Variants in TNIK observed in about 807,000 individuals in gnomAD.
TNIK encodes the protein TRAF2 and NCK-interacting protein kinase.
Under a neutral mutation model 191.3 loss-of-function variants are expected in TNIK, and 49 were observed. The observed-to-expected ratio is 0.26, with a 90% CI of 0.20 to 0.32. TNIK has a LOEUF of 0.32. Among genes scored for constraint, TNIK ranks in the 10% least tolerant of loss-of-function variants. TNIK has a pLI of 1.00. For synonymous variants in TNIK, 594 were observed against 600.9 expected, an observed-to-expected ratio of 0.99 and a Z score of 0.17; for missense variants, 1,155 against 1,702.3, an observed-to-expected ratio of 0.68 and a Z score of 5.66.
intron 2 of TNIK, among the ~76,000 whole-genome samples, chr3:171,328,575 T>C (rs1300300764): frequency 6.6e-6 from 1 of 152,214 alleles, no homozygotes; most frequent in Admixed American, 6.5e-5. Context: ...GAATCAAATA[T>C]TCAAGTGTAA....
Position 171,114,677 on chromosome 3 carries a change from A to G in TNIK, c.2121-3800T>C, listed in dbSNP as rs951130381. Among the ~76,000 whole-genome samples, 11 of 152,200 alleles carry G rather than the reference A, an allele frequency of 7.2e-5. 1 individual carries two copies. The highest frequency in any genetic ancestry group is 1.6e-4 in the Non-Finnish European group (11 of 68,038). ...AGACCCTAATCATATTATCTTTGAAACTTTTGTGGTAAAAGGGTTGCTAAG... is the reference window on the plus strand; with the variant it reads ...AGACCCTAATCATATTATCTTTGAAGCTTTTGTGGTAAAAGGGTTGCTAAG... On this transcript the variant is annotated intron_variant, in intron 18 of 32. Coordinates refer to ENST00000436636, the MANE Select transcript of TNIK (RefSeq NM_015028.4).
intron 2 of TNIK, among the ~76,000 whole-genome samples, chr3:171,231,979 C>T (rs1743709438): frequency 6.6e-6 from 1 of 152,134 alleles, no homozygotes; most frequent in Non-Finnish European, 1.5e-5. Flanking sequence ...TAATATTTTA[C>T]TTAACTGGAA....
chr3:171,153,228 G>T (rs1732704693), intron 12 of TNIK, among the ~76,000 whole-genome samples: 1 of 151,978 alleles, frequency 6.6e-6, no homozygotes. Flanking sequence ...AACTCTCCAG[G>T]TGTTCCTTCC....
chr3:171,178,379 A>G (rs767764283), intron 7 of TNIK, among the ~76,000 whole-genome samples: 2 of 152,218 alleles, frequency 1.3e-5, no homozygotes, highest in African/African-American at 2.4e-5. Flanking sequence ...GAGGTACTCA[A>G]AGTATTTGTT....
intron 2 of TNIK, among the ~76,000 whole-genome samples, chr3:171,232,539 T>C (rs1269521375): frequency 1.3e-5 from 2 of 152,192 alleles, no homozygotes; most frequent in East Asian, 1.9e-4. Context: ...TAACCAATAA[T>C]GGCAAAAGCT....
At chr3:171,364,911 C>T (rs1391274698) in intron 2 of TNIK, among the ~76,000 whole-genome samples, 1 of 151,902 alleles carries the variant, frequency 6.6e-6, no homozygotes, top group African/African-American at 2.4e-5. Flanking sequence ...GGTGCTCATT[C>T]TAATATAGAA....
At chr3:171,455,300 C>T (rs1044568095) in intron 1 of TNIK, among the ~76,000 whole-genome samples, 2 of 151,818 alleles carry the variant, frequency 1.3e-5, no homozygotes, top group African/African-American at 4.8e-5. Context: ...GTCACTGAGG[C>T]TGGAGTGCCG....
chr3:171,170,793 A>G (rs541592700), intron 9 of TNIK, among the ~76,000 whole-genome samples: 45 of 152,324 alleles, frequency 3.0e-4, no homozygotes, highest in African/African-American at 1.0e-3. Context: ...GTTCACACCT[A>G]TAATCCCAGT....
At chr3:171,128,594 A>T in intron 16 of TNIK, 120 bp downstream of exon 16, 2 of 1,270,822 alleles carry the variant, frequency 1.6e-6, no homozygotes, top group Non-Finnish European at 2.1e-6. Flanking sequence ...TATAAATTCT[A>T]TATTAAGGGT....
At chr3:171,387,522 C>T (rs1718888358) in intron 1 of TNIK, among the ~76,000 whole-genome samples, 1 of 152,134 alleles carries the variant, frequency 6.6e-6, no homozygotes. Flanking sequence ...TTCAAAATCC[C>T]TCTCATGTGC....
intron 4 of TNIK, among the ~76,000 whole-genome samples, chr3:171,209,063 G>A (rs566372536): frequency 1.3e-4 from 17 of 129,314 alleles, no homozygotes; most frequent in Non-Finnish European, 2.4e-4. Context: ...GCTTTGGAAG[G>A]GGTGTGTGTG....
chr3:171,084,429 G>A, intron 25 of TNIK, 104 bp from the exon 26 acceptor site: 1 of 1,340,106 alleles, frequency 7.5e-7, no homozygotes. Flanking sequence ...TTGAATTATA[G>A]TAAAGGCAAG....
intron 1 of TNIK, among the ~76,000 whole-genome samples, chr3:171,430,750 T>A (rs1240872546): frequency 6.6e-6 from 1 of 152,082 alleles, no homozygotes; most frequent in Non-Finnish European, 1.5e-5. Context: ...AATGTTTTTA[T>A]TTAGTAATAA....
intron 1 of TNIK, among the ~76,000 whole-genome samples, chr3:171,377,238 C>T (rs992650548): frequency 2.0e-5 from 3 of 152,180 alleles, no homozygotes; most frequent in Non-Finnish European, 4.4e-5. Flanking sequence ...AACTAACCCT[C>T]GATACTGGTA....
At chr3:171,099,225 A>G (rs766239829) in intron 22 of TNIK, among the ~76,000 whole-genome samples, 8 of 152,112 alleles carry the variant, frequency 5.3e-5, no homozygotes, top group Non-Finnish European at 1.0e-4. Context: ...ATGGTTTCCA[A>G]TGGCTACATA....
intron 21 of TNIK, among the ~76,000 whole-genome samples, chr3:171,105,185 C>T (rs988882288): frequency 6.6e-6 from 1 of 152,148 alleles, no homozygotes; most frequent in Non-Finnish European, 1.5e-5. Context: ...CAAAAACAGT[C>T]GTTGAGAGGG....
chr3:171,330,251 C>G (rs763603551), intron 2 of TNIK, among the ~76,000 whole-genome samples: 5 of 152,130 alleles, frequency 3.3e-5, no homozygotes, highest in Admixed American at 3.3e-4. Context: ...GAGTCTTAGA[C>G]AGCAAAATAG....
chr3:171,269,288 A>T (rs958795618), intron 2 of TNIK, among the ~76,000 whole-genome samples: 1 of 152,242 alleles, frequency 6.6e-6, no homozygotes, highest in African/African-American at 2.4e-5. Flanking sequence ...ATGAATAAAT[A>T]CATTATACCA....
In TNIK at chr3:171,059,240, C is replaced by G. The variant is rs550285805; in HGVS notation, c.*4641G>C. Among the ~76,000 whole-genome samples the G allele has an allele frequency of 8.5e-5, 13 of 152,114 alleles. No homozygotes were observed. Among genetic ancestry groups the G allele is most frequent in the Admixed American group, 4.6e-4 (7 of 15,256 alleles). On this transcript the variant is annotated 3_prime_UTR_variant, in exon 33 of 33. Transcript: ENST00000436636. ...TTAACTGTATTTTCTACTTTTCATC[C>G]AAACATTTGTCATCATGGACTCAGA...
Sources: allele counts gnomAD v4.1 joint callset (sites outside exome capture counted in the v4.1 genomes callset), GRCh38; gene constraint gnomAD v4.1.1; transcripts MANE v1.5; gene names NCBI Gene and HGNC (gene_info 2026-07-23, HGNC 2026-07-21).